The following PPIG variants were observed in gnomAD, a reference collection of about 807,000 sequenced individuals.
PPIG encodes peptidyl-prolyl cis-trans isomerase G.
In PPIG, 26 loss-of-function variants were observed where a neutral mutation model predicts 87.9. The ratio of observed to expected loss-of-function variants is 0.30; its 90% CI spans 0.22 to 0.41. PPIG has a LOEUF of 0.41. Ranked by LOEUF, PPIG falls within the 10% of genes least tolerant of loss-of-function variation. The probability of loss-of-function intolerance (pLI) is 1.00; values close to 1 mark genes in which losing one functional copy is unlikely to be tolerated. For missense variants in PPIG, 722 were observed against 879.4 expected, an observed-to-expected ratio of 0.82 and a Z score of 2.26; for synonymous variants, 308 against 276.5, an observed-to-expected ratio of 1.11 and a Z score of -1.13.
chr2:169,593,813 A>ATT lies in PPIG; in HGVS notation c.-70+9337_-70+9338dup, dbSNP rs376892159. On this transcript the variant is annotated intron_variant, in intron 1 of 13. Transcript: ENST00000260970. ...AGGCGCCCGCCACCATGCCCGGCTA[A>ATT]TTTTTTTTTTTTTTTGTATTTTTAG... is the stretch of plus-strand genomic sequence containing the variant. 1.7e-3 allele frequency among the ~76,000 whole-genome samples: 241 copies of ATT among 138,806 alleles called. 2 individuals are homozygous for ATT. The highest frequency in any genetic ancestry group is 1.5e-3 in the East Asian group (7 of 4,636). 91.1% of individuals were successfully genotyped at this position (138,806 alleles called of 152,430 possible).
rs1294752201 is a variant in PPIG at position 169,639,722 on chromosome 2, A to G, written c.*2199A>G. ...TTTTTAGAATATAAAGAACATTTTT[A>G]AAATGATTAAACAGCATTAACTGTA... On this transcript the variant is annotated 3_prime_UTR_variant, in exon 14 of 14. Coordinates refer to ENST00000260970, the MANE Select transcript of PPIG (RefSeq NM_004792.3). The G allele has an allele frequency of 1.3e-5, 2 of 152,172 alleles. No individual in the cohort carries two copies. The highest frequency in any genetic ancestry group is 4.8e-5 in the African/African-American group (2 of 41,462). The allele number at this position is 152,172 out of a possible 1,614,324, so 9.4% of individuals were successfully genotyped here.
intron 12 of PPIG, among the ~76,000 whole-genome samples, chr2:169,635,758 C>G (rs747482268): frequency 3.9e-5 from 6 of 152,138 alleles, no homozygotes; most frequent in African/African-American, 7.2e-5. Context: ...AGGACTCTTC[C>G]ATGGAGAAGA....
intron 1 of PPIG, among the ~76,000 whole-genome samples, chr2:169,595,620 T>C (rs1378999492): frequency 6.6e-6 from 1 of 152,162 alleles, no homozygotes; most frequent in African/African-American, 2.4e-5. Flanking sequence ...AGTTCAATTG[T>C]TTAAATTTTT....
At chr2:169,584,512 T>C (rs984858649) in intron 1 of PPIG, 22 bp downstream of exon 1, 5 of 470,120 alleles carry the variant, frequency 1.1e-5, no homozygotes, top group African/African-American at 8.0e-5. Context: ...GAGGCTCAAG[T>C]TGTTCTGGCG....
chr2:169,635,676 T>A (rs1216070212), intron 12 of PPIG, among the ~76,000 whole-genome samples: 1 of 152,196 alleles, frequency 6.6e-6, no homozygotes, highest in Non-Finnish European at 1.5e-5. Flanking sequence ...ATATTTGCTT[T>A]GAAACATTAA....
At chr2:169,591,371 T>C (rs1305181670) in intron 1 of PPIG, among the ~76,000 whole-genome samples, 1 of 152,146 alleles carries the variant, frequency 6.6e-6, no homozygotes, top group Non-Finnish European at 1.5e-5. Flanking sequence ...TATTACCTTA[T>C]TATTGAAATA....
chr2:169,621,574 TAAAA>T (rs1003207026), intron 9 of PPIG, among the ~76,000 whole-genome samples: 9 of 151,926 alleles, frequency 5.9e-5, no homozygotes, highest in Admixed American at 3.3e-4. Flanking sequence ...ATACTAAAAA[TAAAA>T]AAAATCTGTA....
At chr2:169,619,444 T>C (rs1259447739) in intron 9 of PPIG, among the ~76,000 whole-genome samples, 1 of 152,198 alleles carries the variant, frequency 6.6e-6, no homozygotes, top group Non-Finnish European at 1.5e-5. Context: ...TCTGTCTCAT[T>C]GATCTGTCTA....
At position 169,606,033 on chromosome 2, in the gene PPIG, C is replaced by T. The variant is rs749414215; in HGVS notation, c.137-6C>T. On this transcript the variant is annotated splice_region_variant and splice_polypyrimidine_tract_variant and intron_variant, in intron 4 of 13. Coordinates refer to ENST00000260970, the MANE Select transcript of PPIG (RefSeq NM_004792.3). ...TATTAAATGTCCTATTTTTTTATCT[C>T]TATAGGTGAAAAGGGGACCGGGAAA... 2 of 1,586,200 alleles carry T rather than the reference C, an allele frequency of 1.3e-6. No individual in the cohort carries two copies. The highest frequency in any genetic ancestry group is 1.7e-6 in the Non-Finnish European group (2 of 1,155,892).
At position 169,631,907 on chromosome 2, in the gene PPIG, C is replaced by A; in HGVS notation, c.903C>A (p.Asn301Lys). ...AAGCTGATGAGAAGGAAAGGAAAAACAGAGAGAGAGAAAGGGAAAGAGAGT... is the reference window on the plus strand; with the variant it reads ...AAGCTGATGAGAAGGAAAGGAAAAAAAGAGAGAGAGAAAGGGAAAGAGAGT... ...PPKADEKERK[N>K]RERERERECN... The change falls in exon 11 of 14, where the codon AAC (asparagine) becomes AAA (lysine). Residue 301 changes from asparagine to lysine, a missense_variant. Physicochemically the swap from Asn to Lys is moderately conservative, Grantham distance 94. Around this residue, in one of 4 missense-constraint regions of PPIG, gnomAD observed 142 missense variants for 152.8 expected, o/e 0.93. Coordinates refer to ENST00000260970, the MANE Select transcript of PPIG (RefSeq NM_004792.3). The A allele has an allele frequency of 1.3e-6, 2 of 1,599,878 alleles. No individual in the cohort carries two copies. Among genetic ancestry groups the A allele is most frequent in the Non-Finnish European group, 1.7e-6 (2 of 1,168,720 alleles).
At chr2:169,634,902 TC>T (rs1686144174) in intron 12 of PPIG, among the ~76,000 whole-genome samples, 1 of 152,170 alleles carries the variant, frequency 6.6e-6, no homozygotes, top group South Asian at 2.1e-4. Context: ...CAAAAGAACT[TC>T]TGTTGGTGTG....
At position 169,608,216 on chromosome 2, in the gene PPIG, C is replaced by T. The variant is rs1685384270; in HGVS notation, c.290-455C>T. 2.0e-5 allele frequency among the ~76,000 whole-genome samples: 3 copies of T among 151,426 alleles called. No individual in the cohort carries two copies. The South Asian group carries it at 6.3e-4, about 32-fold the overall frequency. On this transcript the variant is annotated intron_variant, in intron 6 of 13. Coordinates refer to ENST00000260970, the MANE Select transcript of PPIG (RefSeq NM_004792.3). ...TAAAAAGATGAGAGGGGAGGCTGGG[C>T]ACGGTGGCTCATGCCTGTAATCCCA...
intron 9 of PPIG, among the ~76,000 whole-genome samples, chr2:169,615,410 C>A (rs1685586564): frequency 1.3e-5 from 2 of 152,190 alleles, no homozygotes; most frequent in African/African-American, 4.8e-5. Flanking sequence ...CAGTAGAATT[C>A]TTGAACTCAT....
chr2:169,606,879 A>C (rs1489978574), intron 5 of PPIG, among the ~76,000 whole-genome samples: 1 of 152,176 alleles, frequency 6.6e-6, no homozygotes, highest in South Asian at 2.1e-4. Context: ...TTTTTAAAAT[A>C]TATTTTAATA....
At chr2:169,619,574 T>C (rs1558896473) in intron 9 of PPIG, among the ~76,000 whole-genome samples, 1 of 152,146 alleles carries the variant, frequency 6.6e-6, no homozygotes, top group Non-Finnish European at 1.5e-5. Context: ...GCATATATAT[T>C]TAGGATAGTT....
In PPIG at chr2:169,607,091, T is replaced by A; in HGVS notation, c.245-13T>A. On this transcript the variant is annotated splice_polypyrimidine_tract_variant and intron_variant, in intron 5 of 13. Transcript: ENST00000260970. ...CTTACTGAGAGTTATAAGAGTATGT[T>A]TTTCATTTTTAGGAAATGGACGAGG... The A allele has an allele frequency of 6.5e-7, 1 of 1,549,832 alleles. No individual in the cohort carries two copies. The highest frequency in any genetic ancestry group is 8.9e-7 in the Non-Finnish European group (1 of 1,127,140).
intron 7 of PPIG, among the ~76,000 whole-genome samples, chr2:169,613,163 T>C (rs1371649517): frequency 1.3e-5 from 2 of 152,232 alleles, no homozygotes; most frequent in African/African-American, 4.8e-5. Flanking sequence ...ATCATATATA[T>C]GCATTGTGAC....
intron 12 of PPIG, among the ~76,000 whole-genome samples, chr2:169,633,854 G>A (rs1686120143): frequency 1.4e-5 from 2 of 145,112 alleles, no homozygotes; most frequent in Admixed American, 1.4e-4. Context: ...TTTTTGAGAT[G>A]GAGTCTCAGT....
intron 1 of PPIG, among the ~76,000 whole-genome samples, chr2:169,594,791 A>AT (rs1684975652): frequency 6.6e-6 from 1 of 151,392 alleles, no homozygotes; most frequent in Non-Finnish European, 1.5e-5. Flanking sequence ...CGCTCAGCTA[A>AT]TTTTTTTGTA....
Sources: gnomAD v4.1 joint callset for allele counts (sites outside exome capture counted in the v4.1 genomes callset) on GRCh38, gnomAD v4.1.1 for gene constraint, gnomAD v4.1.1 regional missense constraint, MANE v1.5 for transcripts, NCBI Gene and HGNC (gene_info 2026-07-23, HGNC 2026-07-21) for gene names.